Variants in PRDM16 observed in about 807,000 individuals in gnomAD.
PRDM16 encodes PR/SET domain 16.
Under a neutral mutation model 110.6 loss-of-function variants are expected in PRDM16, and 23 were observed. The ratio of observed to expected loss-of-function variants is 0.21; its 90% CI spans 0.15 to 0.29. The LOEUF (loss-of-function observed/expected upper bound fraction) is 0.29. PRDM16 is among the 10% of genes least tolerant of loss of function. The probability of loss-of-function intolerance (pLI) is 1.00; values close to 1 mark genes in which losing one functional copy is unlikely to be tolerated. For missense variants in PRDM16, 1,615 were observed against 1,794.3 expected (o/e 0.90, Z 1.81); for synonymous variants, 799 against 781.8 (o/e 1.02, Z -0.37).
intron 1 of PRDM16, among the ~76,000 whole-genome samples, chr1:3,173,177 C>T (rs1644045208): frequency 6.6e-6 from 1 of 152,184 alleles, no homozygotes; most frequent in African/African-American, 2.4e-5. Context: ...TGTGAGCAAT[C>T]CGTGGCTACC....
At chr1:3,258,760 G>A (rs776299721) in intron 3 of PRDM16, among the ~76,000 whole-genome samples, 1 of 152,338 alleles carries the variant, frequency 6.6e-6, no homozygotes, top group Non-Finnish European at 1.5e-5. Flanking sequence ...CACTGTAGCC[G>A]GCTCACGCAC....
At chr1:3,192,469 A>G (rs1331004704) in intron 2 of PRDM16, among the ~76,000 whole-genome samples, 3 of 152,142 alleles carry the variant, frequency 2.0e-5, no homozygotes, top group African/African-American at 7.2e-5. Flanking sequence ...TCATGTTCCA[A>G]TTGGGCAATC....
intron 8 of PRDM16, among the ~76,000 whole-genome samples, chr1:3,408,879 CGT>C (rs759190618): frequency 2.4e-4 from 32 of 131,258 alleles, no homozygotes; most frequent in Admixed American, 2.0e-3. Flanking sequence ...TGAGCTGGTG[CGT>C]GTGTGTGTGA....
Position 3,156,409 on chromosome 1 carries a change from A to G in PRDM16, c.38-29716A>G, listed in dbSNP as rs1214805494. 3.3e-5 allele frequency among the ~76,000 whole-genome samples: 5 copies of G among 152,202 alleles called. No homozygotes were observed. The South Asian group carries it at 8.3e-4, about 25-fold the overall frequency. Reference sequence around the variant, plus strand: ...TCTGCCTGCGGAGGTAAAAGTAGCCATTGCTTCTATTTTTATGGCTGGATT... The same window carrying G: ...TCTGCCTGCGGAGGTAAAAGTAGCCGTTGCTTCTATTTTTATGGCTGGATT... On this transcript the variant is annotated intron_variant, in intron 1 of 16. Transcript: ENST00000270722.
rs774578880 is a variant in PRDM16 at position 3,411,904 on chromosome 1, G to A, written c.1707G>A (p.Thr569=). The A allele has an allele frequency of 7.4e-6, 12 of 1,613,552 alleles. No individual in the cohort carries two copies. The highest frequency in any genetic ancestry group is 1.7e-5 in the Admixed American group (1 of 59,992). The change falls in exon 9 of 17, where the codon ACG becomes ACA. Residue 569 remains threonine (T), a synonymous_variant. Transcript: ENST00000270722. The part of the protein sequence containing the change: ...VSAVSNSSQG[T]TAAAGPEEKF... ...CCGTCAGCAACAGCAGCCAGGGCAC[G>A]ACGGCAGCTGCGGGGCCCGAGGAGA...
intron 1 of PRDM16, among the ~76,000 whole-genome samples, chr1:3,112,176 C>T (rs891199969): frequency 2.0e-5 from 3 of 152,086 alleles, no homozygotes; most frequent in African/African-American, 7.2e-5. Context: ...AAGGTCTTAG[C>T]GAAGGAAAAG....
At chr1:3,304,409 T>G (rs1395435954) in intron 3 of PRDM16, among the ~76,000 whole-genome samples, 2 of 152,362 alleles carry the variant, frequency 1.3e-5, no homozygotes, top group East Asian at 3.9e-4. Flanking sequence ...GTGATCTCTA[T>G]TCGCTGAAAC....
intron 2 of PRDM16, among the ~76,000 whole-genome samples, chr1:3,235,011 G>A (rs1037845775): frequency 6.6e-6 from 1 of 152,184 alleles, no homozygotes; most frequent in South Asian, 2.1e-4. Context: ...GTCACCTGCC[G>A]TCCACTTAGA....
rs1321262127 is a variant in PRDM16, at chr1:3,246,250, C to T, written c.438+2113C>T. Among the ~76,000 whole-genome samples, 1 of 152,112 alleles carries T rather than the reference C, an allele frequency of 6.6e-6. No individual in the cohort carries two copies. Among genetic ancestry groups the T allele is most frequent in the Non-Finnish European group, 1.5e-5 (1 of 68,024 alleles). ...CAAGGTCATTCTTGAGAGCGGCTCC[C>T]GGGGTGGGCATGAGATGCTGTCCAG... On this transcript the variant is annotated intron_variant, in intron 3 of 16. Transcript: ENST00000270722. The surrounding 1 kb of genome is among the most constrained non-coding windows in gnomAD (Gnocchi z 5.2).
chr1:3,199,992 G>A (rs1638578537), intron 2 of PRDM16, among the ~76,000 whole-genome samples: 2 of 152,256 alleles, frequency 1.3e-5, no homozygotes, highest in African/African-American at 2.4e-5. Flanking sequence ...GGCCTCCCAG[G>A]GTCTTGCTGG....
chr1:3,367,583 G>A (rs1004515443), intron 3 of PRDM16, among the ~76,000 whole-genome samples: 2 of 152,178 alleles, frequency 1.3e-5, no homozygotes, highest in African/African-American at 4.8e-5. Context: ...CAAAAGTGCC[G>A]GGCTCAAGCG....
At chr1:3,074,689 G>A (rs1028064854) in intron 1 of PRDM16, among the ~76,000 whole-genome samples, 42 of 152,150 alleles carry the variant, frequency 2.8e-4, no homozygotes, top group African/African-American at 9.7e-4. Context: ...ACACTCCCTC[G>A]CTCACTGCCT....
chr1:3,371,600 C>T (rs921254681), intron 3 of PRDM16, among the ~76,000 whole-genome samples: 1 of 152,254 alleles, frequency 6.6e-6, no homozygotes, highest in African/African-American at 2.4e-5. Flanking sequence ...TCCATCCATC[C>T]ATCCATTCAT....
chr1:3,237,269 G>A (rs1190583089), intron 2 of PRDM16, among the ~76,000 whole-genome samples: 1 of 151,852 alleles, frequency 6.6e-6, no homozygotes, highest in Non-Finnish European at 1.5e-5. Context: ...CCAACCCCAG[G>A]GCTCCTCCGT....
chr1:3,145,210 T>G (rs1643623362), intron 1 of PRDM16, among the ~76,000 whole-genome samples: 1 of 152,166 alleles, frequency 6.6e-6, no homozygotes, highest in Admixed American at 6.5e-5. Flanking sequence ...TTTGAGCTCC[T>G]GGTTGCTATC....
intron 2 of PRDM16, among the ~76,000 whole-genome samples, chr1:3,223,103 C>CTTT (rs1172383270): frequency 0.016 from 1,167 of 73,982 alleles, 104 homozygotes; most frequent in East Asian, 0.064. Context: ...AAAATCAAGG[C>CTTT]TTTTTTTTTT....
rs1312592079 is a variant in PRDM16, at chr1:3,181,766, A to ATG, written c.38-4359_38-4358insTG. 4.8e-3 allele frequency among the ~76,000 whole-genome samples: 648 copies of ATG among 135,854 alleles called. 5 individuals carry two copies. Among genetic ancestry groups the ATG allele is most frequent in the African/African-American group, 0.016 (591 of 36,344 alleles). 89.1% of individuals were successfully genotyped at this position (135,854 alleles called of 152,430 possible). ...CGGAGTCTTACACACGGTCTTACAC[A>ATG]CAGTCTTACACATGCAGTCTTACAC... On this transcript the variant is annotated intron_variant, in intron 1 of 16. Transcript: ENST00000270722.
At chr1:3,138,304 A>G (rs1569658765) in intron 1 of PRDM16, among the ~76,000 whole-genome samples, 1 of 152,210 alleles carries the variant, frequency 6.6e-6, no homozygotes, top group Non-Finnish European at 1.5e-5. Context: ...TTTTGCATCC[A>G]CTGCTAAGAG....
chr1:3,391,718 T>G (rs557055120), intron 4 of PRDM16, among the ~76,000 whole-genome samples: 2 of 152,374 alleles, frequency 1.3e-5, no homozygotes, highest in South Asian at 4.1e-4. Flanking sequence ...AGCGGGCTTT[T>G]CCTCGCTCTG....
Sources: gnomAD v4.1 joint callset for allele counts (sites outside exome capture counted in the v4.1 genomes callset) on GRCh38, gnomAD v4.1.1 for gene constraint, Gnocchi (gnomAD v3.1) non-coding constraint, MANE v1.5 for transcripts, NCBI Gene and HGNC (gene_info 2026-07-23, HGNC 2026-07-21) for gene names.